LARGE1: variants seen among roughly 807,000 people sequenced by gnomAD.
The protein encoded by LARGE1 is xylosyl- and glucuronyltransferase LARGE1.
LARGE1 carries 43 observed loss-of-function variants against 87.6 expected under a neutral mutation model. That is an observed-to-expected ratio of 0.49 (90% CI 0.38 to 0.63). LARGE1 has a LOEUF of 0.63. LARGE1 is among the 30% of genes least tolerant of loss of function. The pLI, the probability that LARGE1 is intolerant of heterozygous loss-of-function variation, is 0.00. For synonymous variants in LARGE1, 434 were observed against 394.6 expected (o/e 1.10, Z -1.18); for missense variants, 802 against 1,000.2 (o/e 0.80, Z 2.67).
intron 6 of LARGE1, among the ~76,000 whole-genome samples, chr22:33,450,546 G>A (rs1343524454): frequency 6.6e-6 from 1 of 151,978 alleles, no homozygotes; most frequent in Non-Finnish European, 1.5e-5. Flanking sequence ...CCAGCAGGCA[G>A]AGGCTGCAGT....
chr22:33,206,421 C>G (rs1236054074), intron 11 of LARGE1, among the ~76,000 whole-genome samples: 1 of 151,950 alleles, frequency 6.6e-6, no homozygotes, highest in Non-Finnish European at 1.5e-5. Context: ...TTCCATTTTG[C>G]CATGCAAGTT....
At position 33,689,145 on chromosome 22, in the gene LARGE1, G is replaced by GTCTC. The variant is rs3072287; in HGVS notation, c.107-38481_107-38478dup. 1.8e-3 allele frequency among the ~76,000 whole-genome samples: 265 copies of GTCTC among 147,260 alleles called. 1 individual carries two copies. The highest frequency in any genetic ancestry group is 3.9e-3 in the African/African-American group (158 of 40,160). On this transcript the variant is annotated intron_variant, in intron 2 of 14. Coordinates refer to ENST00000397394, the MANE Select transcript of LARGE1 (RefSeq NM_133642.5). ...TACTGCAAGGGCTGACAAATTTACT[G>GTCTC]TCTCTCTCTCTCTCTCTCTCTCCCC...
intron 1 of LARGE1, among the ~76,000 whole-genome samples, chr22:33,846,129 TC>T (rs1159896430): frequency 6.6e-6 from 1 of 152,206 alleles, no homozygotes; most frequent in Non-Finnish European, 1.5e-5. Flanking sequence ...CATAGCTAGA[TC>T]TAGGGTCTTG....
intron 6 of LARGE1, among the ~76,000 whole-genome samples, chr22:33,444,213 T>C (rs1182903029): frequency 6.6e-6 from 1 of 152,252 alleles, no homozygotes; most frequent in African/African-American, 2.4e-5. Context: ...CTTTAATTTT[T>C]ATTTTTTTAA....
chr22:33,599,469 C>G (rs960027845), intron 5 of LARGE1, among the ~76,000 whole-genome samples: 2 of 151,998 alleles, frequency 1.3e-5, no homozygotes, highest in Non-Finnish European at 2.9e-5. Context: ...AGTTGGAGGC[C>G]GGAAACAAAT....
chr22:33,207,516 C>T (rs1205712360), intron 11 of LARGE1, among the ~76,000 whole-genome samples: 1 of 152,170 alleles, frequency 6.6e-6, no homozygotes, highest in African/African-American at 2.4e-5. Flanking sequence ...GTACTCCTCC[C>T]CTGCTGGCCA....
rs368557022 is a variant in LARGE1 at position 33,800,882 on chromosome 22, G to C, written c.-82-39324C>G. ...TGTATAGGTATTTCTATAAACACAA[G>C]TTTCCATTTTTCTGGAAGTGTGACT... On this transcript the variant is annotated intron_variant, in intron 1 of 14. Transcript: ENST00000397394. Among the ~76,000 whole-genome samples the C allele has an allele frequency of 5.1e-4, 78 of 152,260 alleles. 1 individual carries two copies. The highest frequency in any genetic ancestry group is 1.8e-3 in the African/African-American group (73 of 41,550).
chr22:33,281,830 T>G (rs17795296), intron 13 of LARGE1, among the ~76,000 whole-genome samples: 6,992 of 152,316 alleles, frequency 0.046, 217 homozygotes, highest in Middle Eastern at 0.086. Context: ...GCCTCTGAAC[T>G]GTTGAACGAA....
chr22:33,469,702 C>T (rs879731922), intron 6 of LARGE1, among the ~76,000 whole-genome samples: 2 of 151,660 alleles, frequency 1.3e-5, no homozygotes, highest in Non-Finnish European at 2.9e-5. Context: ...GGGGCATGCA[C>T]CTGTAATTCC....
chr22:33,205,948 CTTTT>C (rs386395258), intron 11 of LARGE1, among the ~76,000 whole-genome samples: 137 of 84,966 alleles, frequency 1.6e-3, no homozygotes, highest in Admixed American at 5.8e-3. Flanking sequence ...CATGCTAATT[CTTTT>C]TTTTTTTTTT....
chr22:33,124,068 C>T, the LARGE1 span, among the ~76,000 whole-genome samples: 577 of 152,264 alleles, frequency 3.8e-3, 7 homozygotes, highest in African/African-American at 0.013. Context: ...GGGCGGATCA[C>T]TTGAGGTCAG....
intron 12 of LARGE1, among the ~76,000 whole-genome samples, chr22:33,300,261 T>C (rs987158884): frequency 6.6e-6 from 1 of 152,214 alleles, no homozygotes; most frequent in African/African-American, 2.4e-5. Flanking sequence ...TAATGGTAGT[T>C]ACCTTAAAGA....
At chr22:33,693,478 T>C (rs757024588) in intron 2 of LARGE1, among the ~76,000 whole-genome samples, 1 of 151,760 alleles carries the variant, frequency 6.6e-6, no homozygotes, top group Non-Finnish European at 1.5e-5. Context: ...TCTCATTGTG[T>C]TATATATAAT....
At chr22:33,100,214 G>T in the LARGE1 span, among the ~76,000 whole-genome samples, 1 of 151,796 alleles carries the variant, frequency 6.6e-6, no homozygotes, top group Non-Finnish European at 1.5e-5. Flanking sequence ...CAGGCATGGG[G>T]GTGTATGCCT....
intron 11 of LARGE1, among the ~76,000 whole-genome samples, chr22:33,198,312 G>A (rs1214873914): frequency 7.4e-6 from 1 of 135,004 alleles, no homozygotes; most frequent in African/African-American, 2.9e-5. Context: ...ACATCTGCAA[G>A]CTATGACATA....
chr22:33,551,993 C>CAAAAA (rs10674621), intron 6 of LARGE1, among the ~76,000 whole-genome samples: 8 of 72,834 alleles, frequency 1.1e-4, no homozygotes, highest in South Asian at 5.6e-4. Context: ...GGCTCCGTCT[C>CAAAAA]AAAAAAAAAA....
chr22:33,595,622 G>C (rs868544833), intron 5 of LARGE1, among the ~76,000 whole-genome samples: 1 of 152,234 alleles, frequency 6.6e-6, no homozygotes, highest in African/African-American at 2.4e-5. Flanking sequence ...AAATGTAGTA[G>C]TGATTACTGA....
intron 11 of LARGE1, among the ~76,000 whole-genome samples, chr22:33,206,251 C>T (rs148574485): frequency 0.055 from 8,303 of 151,672 alleles, 743 homozygotes; most frequent in African/African-American, 0.19. Context: ...CCACTGCGCC[C>T]GGCCTAACTT....
chr22:33,139,062 A>G, the LARGE1 span, among the ~76,000 whole-genome samples: 2 of 152,162 alleles, frequency 1.3e-5, no homozygotes, highest in Non-Finnish European at 2.9e-5. Flanking sequence ...GCCTGATGCC[A>G]TCCATGTAAG....
Sources: allele counts gnomAD v4.1 joint callset (sites outside exome capture counted in the v4.1 genomes callset), GRCh38; gene constraint gnomAD v4.1.1; transcripts MANE v1.5; gene names NCBI Gene and HGNC (gene_info 2026-07-23, HGNC 2026-07-21).